GPR155: variants seen among roughly 807,000 people sequenced by gnomAD.
GPR155 encodes the protein G protein-coupled receptor 155.
In GPR155, 65 loss-of-function variants were observed where a neutral mutation model predicts 93.1. The observed-to-expected ratio is 0.70, with a 90% CI of 0.57 to 0.86. The LOEUF is 0.86. Ranked by LOEUF, GPR155 falls within the 40% of genes least tolerant of loss-of-function variation. The probability of loss-of-function intolerance (pLI) is 0.00; values close to 1 mark genes in which losing one functional copy is unlikely to be tolerated. For synonymous variants in GPR155, 319 were observed against 360.1 expected (o/e 0.89, Z 1.29); for missense variants, 838 against 1,034.8 (o/e 0.81, Z 2.61).
rs773758472 is a variant in GPR155, at chr2:174,465,744, G to A, written c.1384+41C>T. ...TCAGGGCTATTAGGAATGGGGTGGG[G>A]TGGGGAACAGATCTCAATTTCCATT... On this transcript the variant is annotated intron_variant, in intron 7 of 15. Transcript: ENST00000392552. 13 of 954,608 alleles carry A rather than the reference G, an allele frequency of 1.4e-5. No homozygotes were observed. The South Asian group carries it at 1.7e-4, about 13-fold the overall frequency. The allele number at this position is 954,608 out of a possible 1,614,324, so 59.1% of individuals were successfully genotyped here.
At chr2:174,480,430 T>C (rs1688286251) in intron 2 of GPR155, among the ~76,000 whole-genome samples, 1 of 152,216 alleles carries the variant, frequency 6.6e-6, no homozygotes, top group East Asian at 1.9e-4. Flanking sequence ...AATATATCTA[T>C]AATATTCAAG....
intron 12 of GPR155, 115 bp from the exon 13 acceptor site, chr2:174,445,291 C>G: frequency 1.6e-6 from 1 of 618,254 alleles, no homozygotes; most frequent in South Asian, 1.9e-5. Context: ...AAAGACTAGA[C>G]GGAAAAACAC....
chr2:174,462,348 T>C (rs1687723789), intron 7 of GPR155, among the ~76,000 whole-genome samples: 1 of 152,204 alleles, frequency 6.6e-6, no homozygotes, highest in Non-Finnish European at 1.5e-5. Flanking sequence ...TCTTACTCCG[T>C]TGCCCAGGCT....
At chr2:174,455,617 G>A (rs143797246) in intron 10 of GPR155, among the ~76,000 whole-genome samples, 354 of 152,296 alleles carry the variant, frequency 2.3e-3, no homozygotes, top group African/African-American at 8.2e-3. Flanking sequence ...GGCCCAAGTC[G>A]GGAGATGGGA....
In GPR155 at chr2:174,434,373, A is replaced by G. The variant is rs1269286771; in HGVS notation, c.*1743T>C. On this transcript the variant is annotated 3_prime_UTR_variant, in exon 16 of 16. Transcript: ENST00000392552. The stretch of plus-strand genomic sequence containing the variant: ...ATCCTGCATTACGATGCTTTGTTCA[A>G]ACACAGAAATGATACATCATATGGC... 6.6e-6 allele frequency: 1 copy of G among 152,028 alleles called. No homozygotes were observed. The highest frequency in any genetic ancestry group is 1.5e-5 in the Non-Finnish European group (1 of 67,994). The allele number at this position is 152,028 out of a possible 1,614,324, so 9.4% of individuals were successfully genotyped here. A position where few individuals can be genotyped will look rare whatever the true frequency, so the allele number is the denominator to read the frequency against.
In GPR155 at chr2:174,434,650, G is replaced by A. The variant is rs1686722559; in HGVS notation, c.*1466C>T. The A allele has an allele frequency of 6.6e-6, 1 of 152,020 alleles. No individual in the cohort carries two copies. The highest frequency in any genetic ancestry group is 2.1e-4 in the South Asian group (1 of 4,816). 9.4% of individuals were successfully genotyped at this position (152,020 alleles called of 1,614,324 possible). The stretch of plus-strand genomic sequence containing the variant: ...AGACAGGGTCTTGCTCTGTCACCCA[G>A]GTTGAAGTGCAGTGATGTGATCTTG... On this transcript the variant is annotated 3_prime_UTR_variant, in exon 16 of 16. Coordinates refer to ENST00000392552, the MANE Select transcript of GPR155 (RefSeq NM_152529.7).
At chr2:174,457,303 C>A (rs1226579102) in intron 10 of GPR155, among the ~76,000 whole-genome samples, 1 of 152,106 alleles carries the variant, frequency 6.6e-6, no homozygotes, top group African/African-American at 2.4e-5. Context: ...CAGAGAAAGA[C>A]TTTGTTTCAA....
At chr2:174,445,706 A>C (rs1687100436) in intron 12 of GPR155, among the ~76,000 whole-genome samples, 1 of 152,226 alleles carries the variant, frequency 6.6e-6, no homozygotes, top group Non-Finnish European at 1.5e-5. Context: ...ATATAATAAG[A>C]ACTGATAATT....
At chr2:174,456,442 C>A (rs943490306) in intron 10 of GPR155, among the ~76,000 whole-genome samples, 1 of 151,930 alleles carries the variant, frequency 6.6e-6, no homozygotes, top group African/African-American at 2.4e-5. Flanking sequence ...GTAGCTCGGA[C>A]TACAGGCACA....
chr2:174,443,938 A>T (rs1208980690), intron 13 of GPR155, among the ~76,000 whole-genome samples: 1 of 152,200 alleles, frequency 6.6e-6, no homozygotes, highest in Non-Finnish European at 1.5e-5. Flanking sequence ...AGGTGTTGTC[A>T]TGATGTTTAA....
intron 11 of GPR155, among the ~76,000 whole-genome samples, chr2:174,451,239 G>A (rs1483832198): frequency 6.6e-6 from 1 of 151,864 alleles, no homozygotes; most frequent in Admixed American, 6.6e-5. Flanking sequence ...GCTTGAACCC[G>A]GGAGGCAGAG....
At chr2:174,454,448 C>G (rs1235570404) in intron 10 of GPR155, among the ~76,000 whole-genome samples, 3 of 151,962 alleles carry the variant, frequency 2.0e-5, no homozygotes, top group Admixed American at 2.0e-4. Context: ...AGGCTAGGAA[C>G]CTAAGATCAG....
intron 1 of GPR155, among the ~76,000 whole-genome samples, chr2:174,483,860 T>C (rs1688399191): frequency 6.6e-6 from 1 of 152,096 alleles, no homozygotes; most frequent in Non-Finnish European, 1.5e-5. Context: ...GCTGGGATTA[T>C]AGGTGTGAGC....
Position 174,436,271 on chromosome 2 carries a change from T to G in GPR155, c.2458A>C (p.Asn820His). The G allele has an allele frequency of 6.2e-7, 1 of 1,614,192 alleles. No homozygotes were observed. Among genetic ancestry groups the G allele is most frequent in the Non-Finnish European group, 8.5e-7 (1 of 1,180,014 alleles). Residue 820 changes from asparagine (N) to histidine (H), a missense_variant, in exon 16 of 16, where the codon AAC becomes CAC. Coordinates refer to ENST00000392552, the MANE Select transcript of GPR155 (RefSeq NM_152529.7). ...VQGGVIQHIT[N>H]EYEFRDEYLF... ...TACTCATCCCGGAATTCATACTCGTTGGTAATATGTTGGATGACTCCCCCT... is the reference window on the plus strand; with the variant it reads ...TACTCATCCCGGAATTCATACTCGTGGGTAATATGTTGGATGACTCCCCCT...
At position 174,433,576 on chromosome 2, in the gene GPR155, G is replaced by GTGTT. The variant is rs765545875; in HGVS notation, c.*2536_*2539dup. ...GTAAAGTTGAAGTCACATCCTCAAT[G>GTGTT]TGTTAGTATTAGGAGGTAGGGCCTT... On this transcript the variant is annotated 3_prime_UTR_variant, in exon 16 of 16. Coordinates refer to ENST00000392552, the MANE Select transcript of GPR155 (RefSeq NM_152529.7). 1.4e-4 allele frequency: 22 copies of GTGTT among 152,318 alleles called. No homozygotes were observed. Among genetic ancestry groups the GTGTT allele is most frequent in the Non-Finnish European group, 2.5e-4 (17 of 68,046 alleles). The allele number at this position is 152,318 out of a possible 1,614,324, so 9.4% of individuals were successfully genotyped here. A position where few individuals can be genotyped will look rare whatever the true frequency, so the allele number is the denominator to read the frequency against.
rs189406146 is a variant in GPR155, at chr2:174,464,779, A to T, written c.1384+1006T>A. Among the ~76,000 whole-genome samples the T allele has an allele frequency of 6.6e-5, 10 of 152,226 alleles. No homozygotes were observed. In the East Asian group the frequency reaches 1.9e-3, roughly 29 times the overall value. Reference sequence around the variant, plus strand: ...TGCATAAAAACTCATGCTATGCAAGATGTAGTTGCCTTTAAGAAGCACAAA... The same window carrying T: ...TGCATAAAAACTCATGCTATGCAAGTTGTAGTTGCCTTTAAGAAGCACAAA... On this transcript the variant is annotated intron_variant, in intron 7 of 15. Transcript: ENST00000392552.
intron 1 of GPR155, 48 bp from the exon 2 acceptor site, chr2:174,482,035 T>C: frequency 1.1e-6 from 1 of 939,750 alleles, no homozygotes. Context: ...ACAAGAATTC[T>C]AGTTGAAATA....
At chr2:174,439,081 C>G (rs1436532560) in intron 15 of GPR155, among the ~76,000 whole-genome samples, 2 of 152,144 alleles carry the variant, frequency 1.3e-5, no homozygotes, top group Non-Finnish European at 2.9e-5. Context: ...AGTCCACACC[C>G]ACTGCAGCCC....
intron 10 of GPR155, 54 bp downstream of exon 10, chr2:174,459,824 G>A: frequency 7.4e-7 from 1 of 1,349,282 alleles, no homozygotes; most frequent in Non-Finnish European, 1.0e-6. Flanking sequence ...CAGCCGGGAT[G>A]ATAGAGCAAG....
Sources: allele counts gnomAD v4.1 joint callset (sites outside exome capture counted in the v4.1 genomes callset), GRCh38; gene constraint gnomAD v4.1.1; transcripts MANE v1.5; gene names NCBI Gene and HGNC (gene_info 2026-07-23, HGNC 2026-07-21).